Variants in CPEB2 observed in about 807,000 individuals in gnomAD.
CPEB2 encodes the protein cytoplasmic polyadenylation element binding protein 2, also known as cytoplasmic polyadenylation element-binding protein 2.
CPEB2 carries 56 observed loss-of-function variants against 93.6 expected under a neutral mutation model. That is an observed-to-expected ratio of 0.60 (90% CI 0.48 to 0.75). The LOEUF (loss-of-function observed/expected upper bound fraction) is 0.75, where lower values mean the gene tolerates loss of function less well. CPEB2 is among the 30% of genes least tolerant of loss of function. The pLI is 0.00. For synonymous variants in CPEB2, 764 were observed against 586.3 expected (o/e 1.30, Z -4.38); for missense variants, 1,579 against 1,395.1 (o/e 1.13, Z -2.10).
chr4:15,014,379 C>CT (rs1696748064), intron 3 of CPEB2, among the ~76,000 whole-genome samples: 1 of 148,352 alleles, frequency 6.7e-6, no homozygotes, highest in Non-Finnish European at 1.5e-5. Flanking sequence ...TATGGCACAC[C>CT]TGCAGAGGGA....
chr4:15,041,322 C>A, intron 6 of CPEB2, among the ~76,000 whole-genome samples: 1 of 151,658 alleles, frequency 6.6e-6, no homozygotes. Context: ...AGTGCCACAC[C>A]GAATAAAAAG....
At position 15,003,215 on chromosome 4, in the gene CPEB2, A is replaced by G; in HGVS notation, c.542A>G (p.Glu181Gly). ...CAGCTGAGCAGCCAGAAGAGGAAAG[A>G]GTTCAGCCCTCCCCACCTTCCCCAC... ...QQQLSSQKRK[E>G]FSPPHLPHPP... is the part of the protein sequence containing the mutation. Residue 181 changes from glutamate to glycine, a missense_variant, in exon 1 of 12, where the codon GAG becomes GGG. Glu to Gly is a moderately conservative substitution (Grantham distance 98). This residue lies in a region of CPEB2 where 1,411 missense variants were observed against 1,056.0 expected (regional missense o/e 1.34). Transcript: ENST00000538197. The G allele has an allele frequency of 2.6e-6, 4 of 1,532,172 alleles. No homozygotes were observed. Among genetic ancestry groups the G allele is most frequent in the African/African-American group, 1.4e-5 (1 of 72,214 alleles). 94.9% of individuals were successfully genotyped at this position (1,532,172 alleles called of 1,614,324 possible).
intron 3 of CPEB2, among the ~76,000 whole-genome samples, chr4:15,013,146 A>T (rs568954680): frequency 7.0e-6 from 1 of 143,642 alleles, no homozygotes; most frequent in South Asian, 2.8e-4. Context: ...TACTCCTGTA[A>T]GTGTTTGTGG....
chr4:15,020,503 G>A (rs1458830313), intron 4 of CPEB2, among the ~76,000 whole-genome samples: 2 of 152,102 alleles, frequency 1.3e-5, no homozygotes, highest in Non-Finnish European at 2.9e-5. Flanking sequence ...TCTTATCCTT[G>A]TTTATGCCCA....
intron 3 of CPEB2, among the ~76,000 whole-genome samples, chr4:15,012,952 A>C (rs1040798036): frequency 1.3e-5 from 2 of 152,038 alleles, no homozygotes; most frequent in African/African-American, 2.4e-5. Flanking sequence ...AAAAATTAAT[A>C]TCTCTTCAAA....
chr4:15,016,555 G>A lies in CPEB2; in HGVS notation c.2035-633G>A, dbSNP rs112615942. Among the ~76,000 whole-genome samples, 561 of 152,058 alleles carry A rather than the reference G, an allele frequency of 3.7e-3. 10 individuals carry two copies. The South Asian group carries it at 0.043, about 12-fold the overall frequency. ...CCTATTTTGCAGGGGAGTTGGGGGA[G>A]GCCGGCTTAAAAATGCAGAGACAAA... On this transcript the variant is annotated intron_variant, in intron 3 of 11. Coordinates refer to ENST00000538197, the MANE Select transcript of CPEB2 (RefSeq NM_001177382.2).
In CPEB2 at chr4:15,059,870, A is replaced by C. The variant is rs2702574; in HGVS notation, c.2695+569A>C. Reference sequence around the variant, plus strand: ...GTGTAGAGTGTTAGTGATTTCCATCACTGAGAACATCGTCTCCCCAGTCAT... The same window carrying C: ...GTGTAGAGTGTTAGTGATTTCCATCCCTGAGAACATCGTCTCCCCAGTCAT... On this transcript the variant is annotated intron_variant, in intron 10 of 11. Transcript: ENST00000538197. 7.7e-3 allele frequency among the ~76,000 whole-genome samples: 1,176 copies of C among 152,240 alleles called. 16 individuals are homozygous for C. The highest frequency in any genetic ancestry group is 0.027 in the African/African-American group (1,115 of 41,556).
At position 15,022,936 on chromosome 4, in the gene CPEB2, C is replaced by T. The variant is rs987404827; in HGVS notation, c.2125+5658C>T. ...GATGGAGATAAGTTTTGCTTTTATT[C>T]CTTTTTACATAGTTGCCTTTATTAC... is the stretch of plus-strand genomic sequence containing the variant. On this transcript the variant is annotated intron_variant, in intron 4 of 11. Coordinates refer to ENST00000538197, the MANE Select transcript of CPEB2 (RefSeq NM_001177382.2). 5.9e-5 allele frequency among the ~76,000 whole-genome samples: 9 copies of T among 151,830 alleles called. 1 individual carries two copies. The highest frequency in any genetic ancestry group is 5.9e-4 in the Admixed American group (9 of 15,230).
Position 15,007,382 on chromosome 4 carries a change from G to T in CPEB2, c.1740G>T (p.Met580Ile). 6.2e-7 allele frequency: 1 copy of T among 1,613,222 alleles called. No homozygotes were observed. The highest frequency in any genetic ancestry group is 1.3e-5 in the African/African-American group (1 of 75,026). ...WGTGSMSWGA[M>I]HGRDHRRTGN... ...CTGGAAGTATGTCCTGGGGAGCAAT[G>T]CATGGCAGAGATCATCGTAGAACCG... The change falls in exon 2 of 12, where the codon ATG becomes ATT. Residue 580 changes from methionine (M) to isoleucine (I), a missense_variant. Physicochemically the swap from Met to Ile is conservative, Grantham distance 10. Around this residue, in one of 2 missense-constraint regions of CPEB2, gnomAD observed 1,411 missense variants for 1,056.0 expected, o/e 1.34. Transcript: ENST00000538197.
At position 15,062,079 on chromosome 4, in the gene CPEB2, T is replaced by C. The variant is rs1283093563; in HGVS notation, c.2696T>C (p.Val899Ala). The C allele has an allele frequency of 6.3e-7, 1 of 1,588,880 alleles. No homozygotes were observed. The highest frequency in any genetic ancestry group is 2.2e-5 in the East Asian group (1 of 44,590). Reference sequence around the variant, plus strand: ...ATGTAAACTTCTTTTCCTTTTCAAGTGGAACTTGCTATGATCATGGACCGG... The same window carrying C: ...ATGTAAACTTCTTTTCCTTTTCAAGCGGAACTTGCTATGATCATGGACCGG... ...VGGVPRPLRA[V>A]ELAMIMDRLY... is the part of the protein sequence containing the mutation. The change falls in exon 11 of 12, where the codon GTG (valine) becomes GCG (alanine). Residue 899 changes from valine (V) to alanine (A), a missense_variant and splice_region_variant. Val to Ala is a moderately conservative substitution (Grantham distance 64). This residue lies in a region of CPEB2 where 168 missense variants were observed against 339.1 expected (regional missense o/e 0.50). Transcript: ENST00000538197.
intron 6 of CPEB2, among the ~76,000 whole-genome samples, chr4:15,043,894 A>G (rs1333018345): frequency 2.0e-5 from 3 of 152,090 alleles, no homozygotes; most frequent in Non-Finnish European, 4.4e-5. Flanking sequence ...ATTTATTCAT[A>G]GTGTATAGTC....
chr4:15,062,871 C>T (rs1729327052), intron 11 of CPEB2, among the ~76,000 whole-genome samples: 1 of 151,928 alleles, frequency 6.6e-6, no homozygotes, highest in African/African-American at 2.4e-5. Context: ...GTAAGAAGTA[C>T]TAGGAATGAT....
chr4:15,008,183 G>C (rs770770083), intron 2 of CPEB2, among the ~76,000 whole-genome samples, 155 bp from the exon 3 acceptor site: 3 of 151,988 alleles, frequency 2.0e-5, no homozygotes, highest in Non-Finnish European at 4.4e-5. Context: ...TTGCAAGTGA[G>C]GTTTTTGTTT....
chr4:15,033,196 C>A lies in CPEB2; in HGVS notation c.2161C>A (p.Leu721Met). The A allele has an allele frequency of 6.3e-7, 1 of 1,595,882 alleles. No homozygotes were observed. The highest frequency in any genetic ancestry group is 2.2e-5 in the East Asian group (1 of 44,630). The change falls in exon 5 of 12, where the codon CTG (leucine) becomes ATG (methionine). Residue 721 changes from leucine to methionine, a missense_variant. This residue lies in a region of CPEB2 where 1,411 missense variants were observed against 1,056.0 expected (regional missense o/e 1.34). Transcript: ENST00000538197. ...LSYPHPGTDN[L>M]LMLNARSYGR... ...CTATCCACATCCAGGAACTGACAAT[C>A]TGTTGATGTTAAATGGTAAGTTTTA...
chr4:15,011,101 CTT>C (rs201436379), intron 3 of CPEB2, among the ~76,000 whole-genome samples: 8 of 125,758 alleles, frequency 6.4e-5, no homozygotes, highest in Admixed American at 8.1e-5. Context: ...AATTTCTTTT[CTT>C]TTTTTTTTTT....
chr4:15,028,611 T>C (rs765187466), intron 4 of CPEB2, among the ~76,000 whole-genome samples: 5 of 152,090 alleles, frequency 3.3e-5, no homozygotes, highest in South Asian at 2.1e-4. Flanking sequence ...AGAAAAAATA[T>C]ACTATCAAGG....
At chr4:15,047,193 G>C (rs1427967001) in intron 6 of CPEB2, among the ~76,000 whole-genome samples, 1 of 152,056 alleles carries the variant, frequency 6.6e-6, no homozygotes, top group Non-Finnish European at 1.5e-5. Context: ...CTTGAAACTT[G>C]GTAGTGTAAA....
rs1469513453 is a variant in CPEB2, at chr4:15,007,377, G to A, written c.1735G>A (p.Ala579Thr). Residue 579 changes from alanine to threonine, a missense_variant, in exon 2 of 12, where the codon GCA (alanine) becomes ACA (threonine). Around this residue, in one of 2 missense-constraint regions of CPEB2, gnomAD observed 1,411 missense variants for 1,056.0 expected, o/e 1.34. Coordinates refer to ENST00000538197, the MANE Select transcript of CPEB2 (RefSeq NM_001177382.2). ...GWGTGSMSWG[A>T]MHGRDHRRTG... ...GGGCACTGGAAGTATGTCCTGGGGA[G>A]CAATGCATGGCAGAGATCATCGTAG... 1.2e-6 allele frequency: 2 copies of A among 1,611,708 alleles called. No homozygotes were observed. Among genetic ancestry groups the A allele is most frequent in the African/African-American group, 2.7e-5 (2 of 74,856 alleles).
chr4:15,010,209 C>A (rs2108962914), intron 3 of CPEB2, among the ~76,000 whole-genome samples: 1 of 152,278 alleles, frequency 6.6e-6, no homozygotes, highest in East Asian at 1.9e-4. Flanking sequence ...AGGTTTTCAT[C>A]TCTTTGGGTC....
Sources: gnomAD v4.1 joint callset for allele counts (sites outside exome capture counted in the v4.1 genomes callset) on GRCh38, gnomAD v4.1.1 for gene constraint, gnomAD v4.1.1 regional missense constraint, MANE v1.5 for transcripts, NCBI Gene and HGNC (gene_info 2026-07-23, HGNC 2026-07-21) for gene names.